SLC2A13: variants seen among roughly 807,000 people sequenced by gnomAD.
SLC2A13 encodes proton myo-inositol cotransporter.
SLC2A13 carries 32 observed loss-of-function variants against 64.4 expected under a neutral mutation model. The ratio of observed to expected loss-of-function variants is 0.50; its 90% CI spans 0.37 to 0.67. SLC2A13 has a LOEUF of 0.67. Among genes scored for constraint, SLC2A13 ranks in the 30% least tolerant of loss-of-function variants. The pLI is 0.00. For synonymous variants in SLC2A13, 338 were observed against 327.1 expected (o/e 1.03, Z -0.36); for missense variants, 743 against 829.2 (o/e 0.90, Z 1.28).
At chr12:39,899,356 T>A (rs1945020674) in intron 4 of SLC2A13, among the ~76,000 whole-genome samples, 1 of 152,224 alleles carries the variant, frequency 6.6e-6, no homozygotes, top group African/African-American at 2.4e-5. Flanking sequence ...TTGCATCTAT[T>A]TGATTCTCCT....
At chr12:40,090,523 G>T (rs947967825) in intron 1 of SLC2A13, among the ~76,000 whole-genome samples, 1 of 152,102 alleles carries the variant, frequency 6.6e-6, no homozygotes, top group African/African-American at 2.4e-5. Flanking sequence ...AACCATAGCA[G>T]CAGCTATCCA....
intron 7 of SLC2A13, among the ~76,000 whole-genome samples, chr12:39,810,128 G>A (rs1402357210): frequency 6.6e-6 from 1 of 152,138 alleles, no homozygotes; most frequent in Non-Finnish European, 1.5e-5. Context: ...CACCAACAAT[G>A]TAAAAGTGAA....
chr12:39,799,449 C>T lies in SLC2A13; in HGVS notation c.1445+30654G>A, dbSNP rs558662271. 6.6e-4 allele frequency among the ~76,000 whole-genome samples: 42 copies of T among 63,680 alleles called. 1 individual carries two copies. Among genetic ancestry groups the T allele is most frequent in the Middle Eastern group, 8.8e-3 (1 of 114 alleles). 41.8% of individuals were successfully genotyped at this position (63,680 alleles called of 152,430 possible). A position where few individuals can be genotyped will look rare whatever the true frequency, so the allele number is the denominator to read the frequency against. On this transcript the variant is annotated intron_variant, in intron 7 of 9. Transcript: ENST00000280871. ...ATCTCAACCATTAGGATCCTCTACACGGCGCACTTTTACAGAAATCCACCC... is the reference window on the plus strand; with the variant it reads ...ATCTCAACCATTAGGATCCTCTACATGGCGCACTTTTACAGAAATCCACCC...
At chr12:39,770,241 C>T (rs1169931845) in intron 7 of SLC2A13, among the ~76,000 whole-genome samples, 1 of 151,974 alleles carries the variant, frequency 6.6e-6, no homozygotes, top group Non-Finnish European at 1.5e-5. Context: ...TTTATTCTGG[C>T]CTTGATCTTT....
At chr12:40,026,118 T>A (rs538912866) in intron 3 of SLC2A13, among the ~76,000 whole-genome samples, 176 of 152,362 alleles carry the variant, frequency 1.2e-3, no homozygotes, top group Non-Finnish European at 2.2e-3. Flanking sequence ...CATGCAATAA[T>A]GCTCTTAACT....
At chr12:40,039,123 T>C (rs1265895608) in intron 2 of SLC2A13, among the ~76,000 whole-genome samples, 3 of 152,248 alleles carry the variant, frequency 2.0e-5, no homozygotes, top group Non-Finnish European at 4.4e-5. Flanking sequence ...TCTTATTAGA[T>C]AAACTACACA....
intron 4 of SLC2A13, among the ~76,000 whole-genome samples, chr12:39,878,204 A>G (rs1944241243): frequency 6.6e-6 from 1 of 152,242 alleles, no homozygotes; most frequent in East Asian, 1.9e-4. Context: ...ATGCAAGAAC[A>G]GCCTAATACA....
intron 1 of SLC2A13, among the ~76,000 whole-genome samples, chr12:40,087,052 C>T (rs1207245472): frequency 6.6e-6 from 1 of 152,184 alleles, no homozygotes; most frequent in African/African-American, 2.4e-5. Context: ...TTGATTTCCT[C>T]TAATCTCAGG....
chr12:40,049,336 A>T (rs1368720865), intron 1 of SLC2A13, among the ~76,000 whole-genome samples: 1 of 152,122 alleles, frequency 6.6e-6, no homozygotes, highest in Admixed American at 6.5e-5. Context: ...AATTGCTTTT[A>T]ACTAATTGCT....
intron 5 of SLC2A13, among the ~76,000 whole-genome samples, chr12:39,867,750 T>C (rs1453437453): frequency 6.6e-6 from 1 of 152,192 alleles, no homozygotes; most frequent in African/African-American, 2.4e-5. Context: ...TTATTATATA[T>C]AGTGATGTTT....
intron 4 of SLC2A13, among the ~76,000 whole-genome samples, chr12:39,904,653 T>C (rs750231160): frequency 1.3e-5 from 2 of 152,128 alleles, no homozygotes; most frequent in African/African-American, 4.8e-5. Flanking sequence ...CTTCTTCTCA[T>C]GGAAGACAGA....
At chr12:39,811,549 A>G (rs1942160356) in intron 7 of SLC2A13, among the ~76,000 whole-genome samples, 1 of 152,080 alleles carries the variant, frequency 6.6e-6, no homozygotes, top group Admixed American at 6.5e-5. Context: ...TTACCTTGTG[A>G]TGTCCTTTTT....
intron 4 of SLC2A13, among the ~76,000 whole-genome samples, chr12:39,897,407 G>A (rs931414207): frequency 2.0e-5 from 3 of 152,122 alleles, no homozygotes; most frequent in Non-Finnish European, 4.4e-5. Flanking sequence ...CCTACCCCAA[G>A]CATGCAGAAA....
intron 6 of SLC2A13, among the ~76,000 whole-genome samples, chr12:39,858,067 G>A (rs549747894): frequency 4.1e-4 from 62 of 152,252 alleles, no homozygotes; most frequent in Middle Eastern, 6.8e-3. Flanking sequence ...AAGTTATGGC[G>A]AACTCAAAGA....
chr12:39,965,903 A>G (rs532070048), intron 3 of SLC2A13, among the ~76,000 whole-genome samples: 13 of 152,152 alleles, frequency 8.5e-5, no homozygotes, highest in Non-Finnish European at 1.9e-4. Flanking sequence ...GATTAACATT[A>G]TTAATTTTAG....
At chr12:39,825,820 A>T (rs1248031593) in intron 7 of SLC2A13, among the ~76,000 whole-genome samples, 2 of 151,998 alleles carry the variant, frequency 1.3e-5, no homozygotes, top group African/African-American at 2.4e-5. Context: ...TCCTCTGCTA[A>T]CTCTACAGGC....
At chr12:39,880,916 G>T (rs749180325) in intron 4 of SLC2A13, among the ~76,000 whole-genome samples, 1 of 152,124 alleles carries the variant, frequency 6.6e-6, no homozygotes, top group African/African-American at 2.4e-5. Flanking sequence ...CTATTAATTC[G>T]TTCTATAAAA....
chr12:40,035,331 C>T (rs1658938359), intron 2 of SLC2A13, among the ~76,000 whole-genome samples: 1 of 152,144 alleles, frequency 6.6e-6, no homozygotes, highest in Admixed American at 6.6e-5. Context: ...ACAGATAACA[C>T]TGAATTTAGC....
intron 1 of SLC2A13, among the ~76,000 whole-genome samples, chr12:40,058,042 C>CAGATAGATAGATAGATAGAT (rs10534370): frequency 3.4e-5 from 5 of 145,148 alleles, no homozygotes; most frequent in African/African-American, 1.0e-4. Flanking sequence ...AATTTCTCTC[C>CAGATAGATAGATAGATAGAT]AGATAGATAG....
Sources: gnomAD v4.1 joint callset for allele counts (sites outside exome capture counted in the v4.1 genomes callset) on GRCh38, gnomAD v4.1.1 for gene constraint, MANE v1.5 for transcripts, NCBI Gene and HGNC (gene_info 2026-07-23, HGNC 2026-07-21) for gene names.